CCDC178: variants seen among roughly 807,000 people sequenced by gnomAD.
The protein encoded by CCDC178 is coiled-coil domain containing 178, also known as coiled-coil domain-containing protein 178.
Under a neutral mutation model 117.4 loss-of-function variants are expected in CCDC178, and 126 were observed. That is an observed-to-expected ratio of 1.07 (90% CI 0.93 to 1.24). The LOEUF is 1.24. Among genes scored for constraint, CCDC178 ranks in the 50% most tolerant of loss-of-function variants. The probability of loss-of-function intolerance (pLI) is 0.00; values close to 1 mark genes in which losing one functional copy is unlikely to be tolerated. For synonymous variants in CCDC178, 283 were observed against 313.4 expected (o/e 0.90, Z 1.02); for missense variants, 1,030 against 986.9 (o/e 1.04, Z -0.59).
intron 22 of CCDC178, among the ~76,000 whole-genome samples, chr18:32,941,077 ATT>A (rs766432485): frequency 2.1e-5 from 3 of 144,542 alleles, no homozygotes; most frequent in Non-Finnish European, 3.1e-5. Flanking sequence ...CAGTTTAATG[ATT>A]TTTTTTTTTT....
chr18:33,093,978 C>T (rs1159417820), intron 20 of CCDC178, among the ~76,000 whole-genome samples: 2 of 151,568 alleles, frequency 1.3e-5, no homozygotes, highest in African/African-American at 4.8e-5. Context: ...CACAACAAAC[C>T]CTTAGTATAA....
chr18:33,121,495 G>C (rs2144214020), intron 20 of CCDC178, among the ~76,000 whole-genome samples: 1 of 152,262 alleles, frequency 6.6e-6, no homozygotes, highest in Admixed American at 6.5e-5. Flanking sequence ...CATAGACACA[G>C]ATATAGACAT....
rs528512420 is a variant in CCDC178 at position 33,075,418 on chromosome 18, T to C, written c.2388+17343A>G. Among the ~76,000 whole-genome samples, 3 of 152,272 alleles carry C rather than the reference T, an allele frequency of 2.0e-5. No individual in the cohort carries two copies. The East Asian group carries it at 5.8e-4, about 29-fold the overall frequency. On this transcript the variant is annotated intron_variant, in intron 21 of 22. Coordinates refer to ENST00000383096, the MANE Select transcript of CCDC178 (RefSeq NM_001105528.4). ...TCAAAAATACCTTTCTGGAGTAGAATTGTATTGTTTGTACCACAAAGGTAA... is the reference window on the plus strand; with the variant it reads ...TCAAAAATACCTTTCTGGAGTAGAACTGTATTGTTTGTACCACAAAGGTAA...
intron 20 of CCDC178, among the ~76,000 whole-genome samples, chr18:33,131,863 CT>C (rs971861420): frequency 3.3e-5 from 5 of 151,752 alleles, no homozygotes; most frequent in Admixed American, 3.3e-4. Context: ...CAAATATTAA[CT>C]TTTTATATTT....
At chr18:33,249,618 T>C (rs2059593305) in intron 14 of CCDC178, among the ~76,000 whole-genome samples, 2 of 152,102 alleles carry the variant, frequency 1.3e-5, no homozygotes, top group East Asian at 3.9e-4. Flanking sequence ...TTCTGTTCCA[T>C]TCAGCTCTAT....
intron 21 of CCDC178, among the ~76,000 whole-genome samples, chr18:32,980,938 A>G (rs1187929352): frequency 6.6e-6 from 1 of 152,208 alleles, no homozygotes; most frequent in African/African-American, 2.4e-5. Flanking sequence ...ATTATACTTA[A>G]AGCTACATAC....
At chr18:32,977,469 A>C (rs1048280512) in intron 21 of CCDC178, among the ~76,000 whole-genome samples, 25 of 152,172 alleles carry the variant, frequency 1.6e-4, no homozygotes, top group South Asian at 2.1e-4. Flanking sequence ...ACCACATAGC[A>C]TAGGTTTTCA....
chr18:33,179,518 T>A (rs1315339800), intron 20 of CCDC178, among the ~76,000 whole-genome samples: 1 of 152,114 alleles, frequency 6.6e-6, no homozygotes, highest in Non-Finnish European at 1.5e-5. Flanking sequence ...AAAGGAAATA[T>A]AACCCAAGTA....
chr18:33,229,903 T>C (rs1428934376), intron 15 of CCDC178, among the ~76,000 whole-genome samples: 1 of 152,150 alleles, frequency 6.6e-6, no homozygotes, highest in African/African-American at 2.4e-5. Context: ...TATGGGCTCC[T>C]GGGGAGATAC....
chr18:33,086,347 T>C (rs1368857828), intron 21 of CCDC178, among the ~76,000 whole-genome samples: 2 of 151,092 alleles, frequency 1.3e-5, no homozygotes, highest in Non-Finnish European at 3.0e-5. Context: ...GTTTGTGACA[T>C]AGTTGCCTCT....
chr18:33,394,948 T>C (rs1190416155), intron 4 of CCDC178, among the ~76,000 whole-genome samples: 1 of 57,732 alleles, frequency 1.7e-5, no homozygotes, highest in Admixed American at 1.7e-4. Context: ...TATGTGTATA[T>C]ATATATATAT....
intron 11 of CCDC178, among the ~76,000 whole-genome samples, chr18:33,319,878 A>T (rs2062479075): frequency 6.6e-6 from 1 of 151,968 alleles, no homozygotes; most frequent in South Asian, 2.1e-4. Flanking sequence ...CAACTTTTTG[A>T]TGGGGTTGTT....
At chr18:33,396,891 A>G (rs2063645021) in intron 4 of CCDC178, among the ~76,000 whole-genome samples, 1 of 152,178 alleles carries the variant, frequency 6.6e-6, no homozygotes, top group Admixed American at 6.6e-5. Flanking sequence ...AAAAACCCAC[A>G]TATTAAGTTT....
intron 21 of CCDC178, among the ~76,000 whole-genome samples, chr18:33,065,024 T>C (rs1373376065): frequency 7.2e-6 from 1 of 138,266 alleles, no homozygotes; most frequent in African/African-American, 3.0e-5. Flanking sequence ...ATGTGTGGAA[T>C]TGGAAAAAAA....
At chr18:33,411,009 T>C (rs1404759567) in intron 3 of CCDC178, among the ~76,000 whole-genome samples, 1 of 152,126 alleles carries the variant, frequency 6.6e-6, no homozygotes, top group Non-Finnish European at 1.5e-5. Flanking sequence ...TCAGCCAAAA[T>C]AAGCAAGATC....
At chr18:33,274,305 G>C (rs9950596) in intron 12 of CCDC178, among the ~76,000 whole-genome samples, 10,453 of 151,854 alleles carry the variant, frequency 0.069, 558 homozygotes, top group African/African-American at 0.14. Context: ...AAATCACTAT[G>C]GTAATGTAAA....
intron 12 of CCDC178, among the ~76,000 whole-genome samples, chr18:33,282,011 G>A (rs1029271171): frequency 1.3e-5 from 2 of 152,184 alleles, no homozygotes; most frequent in Admixed American, 6.5e-5. Flanking sequence ...GACTACTGGC[G>A]TGCTTTTAAC....
chr18:33,291,212 C>A (rs1568120900), intron 12 of CCDC178, among the ~76,000 whole-genome samples: 1 of 152,056 alleles, frequency 6.6e-6, no homozygotes, highest in East Asian at 1.9e-4. Context: ...AAGGAAAATG[C>A]ACAAAGGAAT....
At chr18:33,377,235 C>T (rs1393943539) in intron 5 of CCDC178, among the ~76,000 whole-genome samples, 1 of 152,104 alleles carries the variant, frequency 6.6e-6, no homozygotes, top group Non-Finnish European at 1.5e-5. Flanking sequence ...GCTTGTTGGC[C>T]ATGTGTATGT....
Sources: allele counts gnomAD v4.1 joint callset (sites outside exome capture counted in the v4.1 genomes callset), GRCh38; gene constraint gnomAD v4.1.1; transcripts MANE v1.5; gene names NCBI Gene and HGNC (gene_info 2026-07-23, HGNC 2026-07-21).